Variants in VIPR2 observed in about 807,000 individuals in gnomAD.
VIPR2 encodes the protein vasoactive intestinal peptide receptor 2, also known as vasoactive intestinal polypeptide receptor 2.
VIPR2 carries 48 observed loss-of-function variants against 58.0 expected under a neutral mutation model. The observed-to-expected ratio is 0.83, with a 90% CI of 0.66 to 1.05. The LOEUF is 1.05. Among genes scored for constraint, VIPR2 ranks in the 50% least tolerant of loss-of-function variants. VIPR2 has a pLI of 0.00. For synonymous variants in VIPR2, 243 were observed against 235.2 expected, an observed-to-expected ratio of 1.03 and a Z score of -0.30; for missense variants, 534 against 558.0, an observed-to-expected ratio of 0.96 and a Z score of 0.43.
At chr7:159,078,820 C>T (rs1388299276) in intron 4 of VIPR2, among the ~76,000 whole-genome samples, 1 of 152,190 alleles carries the variant, frequency 6.6e-6, no homozygotes, top group Non-Finnish European at 1.5e-5. Context: ...AAACATACAA[C>T]CTGAATCAGA....
intron 2 of VIPR2, among the ~76,000 whole-genome samples, chr7:159,138,839 TTAGA>T (rs1797337237): frequency 6.6e-6 from 1 of 152,232 alleles, no homozygotes; most frequent in African/African-American, 2.4e-5. Context: ...TATGTGCATA[TTAGA>T]TATATATATG....
intron 4 of VIPR2, among the ~76,000 whole-genome samples, chr7:159,102,884 G>C (rs1858386448): frequency 6.6e-6 from 1 of 152,204 alleles, no homozygotes; most frequent in Admixed American, 6.5e-5. Context: ...GCCTTGCCCT[G>C]TGCAGGGAGC....
chr7:159,072,582 C>G (rs1392507183), intron 4 of VIPR2, among the ~76,000 whole-genome samples: 1 of 152,116 alleles, frequency 6.6e-6, no homozygotes, highest in African/African-American at 2.4e-5. Flanking sequence ...AGCACAAAAA[C>G]GAAAGACACA....
At chr7:159,088,296 C>T (rs531963061) in intron 4 of VIPR2, among the ~76,000 whole-genome samples, 4 of 151,976 alleles carry the variant, frequency 2.6e-5, no homozygotes, top group Admixed American at 6.6e-5. Context: ...CCTGAACACC[C>T]GCATACCCAC....
intron 3 of VIPR2, among the ~76,000 whole-genome samples, chr7:159,106,823 GATGCAGAGAGAGGCCAGGGAGGCACAC>G: frequency 6.7e-6 from 1 of 149,462 alleles, no homozygotes. Flanking sequence ...AGGCCGGGGA[GATGCAGAGAGAGGCCAGGGAGGCACAC>G]AGAGGCCAGG....
chr7:159,037,299 G>C (rs529163943), intron 6 of VIPR2, among the ~76,000 whole-genome samples: 1 of 152,190 alleles, frequency 6.6e-6, no homozygotes, highest in African/African-American at 2.4e-5. Flanking sequence ...TGGTCCTGCC[G>C]GCCAGCAAAG....
At chr7:159,124,404 T>C (rs1328280073) in intron 2 of VIPR2, among the ~76,000 whole-genome samples, 7 of 151,976 alleles carry the variant, frequency 4.6e-5, no homozygotes, top group Non-Finnish European at 7.4e-5. Context: ...GAATAGGGAG[T>C]CTTTTCCCTA....
Position 159,096,958 on chromosome 7 carries a change from T to C in VIPR2, c.357+6799A>G. ...CGTGGCTGGCATTGAGCTTGGCACC[T>C]GCTGGGCCTGAGGACCATGAGGGGA... On this transcript the variant is annotated intron_variant, in intron 4 of 12. Transcript: ENST00000262178. This position sits in a 1 kb window ranked among gnomAD's most constrained non-coding sequence, Gnocchi z 5.5. 1 of 1,550,628 alleles carries C rather than the reference T, an allele frequency of 6.4e-7. No homozygotes were observed. Among genetic ancestry groups the C allele is most frequent in the Non-Finnish European group, 8.7e-7 (1 of 1,147,002 alleles).
At chr7:159,138,507 G>A (rs538832780) in intron 2 of VIPR2, among the ~76,000 whole-genome samples, 36 of 152,026 alleles carry the variant, frequency 2.4e-4, no homozygotes, top group African/African-American at 8.2e-4. Flanking sequence ...AAATACTGTC[G>A]GCTACCTAAA....
chr7:159,074,280 C>T (rs1264831285), intron 4 of VIPR2, among the ~76,000 whole-genome samples: 3 of 152,204 alleles, frequency 2.0e-5, no homozygotes, highest in African/African-American at 7.2e-5. Context: ...GAAACTGAAG[C>T]ACTTCCCCAA....
At chr7:159,132,913 C>CCG (rs1797015686) in intron 2 of VIPR2, among the ~76,000 whole-genome samples, 8 of 138,588 alleles carry the variant, frequency 5.8e-5, no homozygotes, top group Admixed American at 2.9e-4. Flanking sequence ...GATTGGCATA[C>CCG]AGATTGATTT....
Position 159,036,901 on chromosome 7 carries a change from A to C in VIPR2, c.599T>G (p.Val200Gly). The C allele has an allele frequency of 3.7e-6, 6 of 1,611,036 alleles. No homozygotes were observed. Among genetic ancestry groups the C allele is most frequent in the Non-Finnish European group, 5.1e-6 (6 of 1,177,784 alleles). The part of the protein sequence containing the change: ...LHCPDQPSSW[V>G]GCKLSLVFLQ... ...GAAGACCAGGCTCAGCTTGCAGCCCACCTGGAAACCGCAAACAGAGGAGAG... is the reference window on the plus strand; with the variant it reads ...GAAGACCAGGCTCAGCTTGCAGCCCCCCTGGAAACCGCAAACAGAGGAGAG... Residue 200 changes from valine to glycine, a missense_variant and splice_region_variant, in exon 7 of 13, where the codon GTG becomes GGG. This residue lies in a region of VIPR2 where 224 missense variants were observed against 255.7 expected (regional missense o/e 0.88). Coordinates refer to ENST00000262178, the MANE Select transcript of VIPR2 (RefSeq NM_003382.5).
At chr7:159,086,341 C>T (rs1173240406) in intron 4 of VIPR2, among the ~76,000 whole-genome samples, 6 of 152,150 alleles carry the variant, frequency 3.9e-5, no homozygotes, top group Admixed American at 2.0e-4. Flanking sequence ...AAAATCAGAC[C>T]GTGCTGAGCT....
intron 2 of VIPR2, among the ~76,000 whole-genome samples, chr7:159,134,949 G>A (rs1296076120): frequency 2.0e-5 from 3 of 147,430 alleles, no homozygotes; most frequent in African/African-American, 5.1e-5. Context: ...GAGTCACCGC[G>A]CCTGGCCAAT....
chr7:159,135,131 G>C (rs1797162123), intron 2 of VIPR2, among the ~76,000 whole-genome samples: 1 of 148,206 alleles, frequency 6.7e-6, no homozygotes, highest in South Asian at 2.2e-4. Context: ...GTTAAGAAAA[G>C]TGAGTCTTTA....
At position 159,093,829 on chromosome 7, in the gene VIPR2, T is replaced by C. The variant is rs115428769; in HGVS notation, c.357+9928A>G. On this transcript the variant is annotated intron_variant, in intron 4 of 12. Transcript: ENST00000262178. This position sits in a 1 kb window ranked among gnomAD's most constrained non-coding sequence, Gnocchi z 6.7. ...CCTGCAGCGTCCCTGGGTCCGGACA[T>C]GGGAGAGGCCCCGCAGTGTCCCTGA... Among the ~76,000 whole-genome samples, 1 of 150,574 alleles carries C rather than the reference T, an allele frequency of 6.6e-6. No individual in the cohort carries two copies. Among genetic ancestry groups the C allele is most frequent in the African/African-American group, 2.5e-5 (1 of 40,138 alleles).
intron 4 of VIPR2, among the ~76,000 whole-genome samples, chr7:159,075,214 C>G (rs1439326915): frequency 2.0e-5 from 3 of 152,226 alleles, no homozygotes; most frequent in African/African-American, 2.4e-5. Flanking sequence ...GGCCTACCCT[C>G]AGCTCAGCTC....
intron 2 of VIPR2, among the ~76,000 whole-genome samples, chr7:159,138,382 A>T (rs1207401724): frequency 6.6e-6 from 1 of 152,246 alleles, no homozygotes; most frequent in Non-Finnish European, 1.5e-5. Context: ...TCATTTGGTC[A>T]TAGGAGATGG....
intron 4 of VIPR2, among the ~76,000 whole-genome samples, chr7:159,101,472 G>C: frequency 7.3e-6 from 1 of 137,272 alleles, no homozygotes; most frequent in Non-Finnish European, 1.5e-5. Flanking sequence ...TGAGTCTCAC[G>C]AGATCCGACA....
Sources: gnomAD v4.1 joint callset for allele counts (sites outside exome capture counted in the v4.1 genomes callset) on GRCh38, gnomAD v4.1.1 for gene constraint, gnomAD v4.1.1 regional missense constraint, Gnocchi (gnomAD v3.1) non-coding constraint, MANE v1.5 for transcripts, NCBI Gene and HGNC (gene_info 2026-07-23, HGNC 2026-07-21) for gene names.